Variants in KSR2 observed in about 807,000 individuals in gnomAD.
KSR2 encodes kinase suppressor of ras 2.
KSR2 carries 25 observed loss-of-function variants against 107.8 expected under a neutral mutation model. The observed-to-expected ratio is 0.23, with a 90% confidence interval of 0.17 to 0.32. KSR2 has a LOEUF of 0.32. Ranked by LOEUF, KSR2 falls within the 10% of genes least tolerant of loss-of-function variation. KSR2 has a pLI of 1.00. For synonymous variants in KSR2, 480 were observed against 507.0 expected, an observed-to-expected ratio of 0.95 and a Z score of 0.71; for missense variants, 887 against 1,268.9, an observed-to-expected ratio of 0.70 and a Z score of 4.57.
intron 1 of KSR2, chr12:117,889,607 T>A (rs1226087808): frequency 6.6e-6 from 1 of 152,208 alleles, no homozygotes; most frequent in Non-Finnish European, 1.5e-5. Flanking sequence ...AACATTTGTA[T>A]CTTGCTTTCT....
chr12:117,658,946 C>T (rs570323516), intron 5 of KSR2, among the ~76,000 whole-genome samples: 3 of 152,264 alleles, frequency 2.0e-5, no homozygotes, highest in Non-Finnish European at 2.9e-5. Flanking sequence ...TCTCTTGGTA[C>T]GTCAGTTTTC....
intron 18 of KSR2, 111 bp downstream of exon 18, chr12:117,471,080 G>T: frequency 2.3e-6 from 3 of 1,297,764 alleles, no homozygotes; most frequent in Admixed American, 2.7e-5. Context: ...ATATTTTTTT[G>T]GTCACCCTAT....
At chr12:117,918,474 A>C (rs745466743) in intron 1 of KSR2, among the ~76,000 whole-genome samples, 1 of 151,978 alleles carries the variant, frequency 6.6e-6, no homozygotes, top group Non-Finnish European at 1.5e-5. Context: ...TCTCCTAACT[A>C]TCTTTTAATA....
intron 4 of KSR2, among the ~76,000 whole-genome samples, chr12:117,739,930 T>A (rs548845882): frequency 5.6e-4 from 85 of 152,174 alleles, no homozygotes; most frequent in East Asian, 1.5e-3. Context: ...TATTTTTTTT[T>A]AAATTTCTTA....
At chr12:117,955,181 G>A (rs993061183) in intron 1 of KSR2, among the ~76,000 whole-genome samples, 3 of 151,858 alleles carry the variant, frequency 2.0e-5, no homozygotes, top group Non-Finnish European at 4.4e-5. Context: ...GAATGCAGTG[G>A]CACAATCATG....
At chr12:117,516,736 C>T (rs1036603035) in intron 14 of KSR2, among the ~76,000 whole-genome samples, 1 of 152,004 alleles carries the variant, frequency 6.6e-6, no homozygotes, top group African/African-American at 2.4e-5. Context: ...GACCCAAATG[C>T]CAAAGGGGAG....
intron 4 of KSR2, among the ~76,000 whole-genome samples, chr12:117,728,113 T>C (rs1046708061): frequency 6.6e-6 from 1 of 152,216 alleles, no homozygotes; most frequent in African/African-American, 2.4e-5. Context: ...AGAAATATTC[T>C]GTCTTGATTG....
intron 4 of KSR2, among the ~76,000 whole-genome samples, chr12:117,725,916 C>T (rs1396023608): frequency 6.6e-6 from 1 of 152,046 alleles, no homozygotes; most frequent in African/African-American, 2.4e-5. Flanking sequence ...CCTATAATCC[C>T]AGCACTTTGG....
At chr12:117,609,153 A>C (rs1881454705) in intron 5 of KSR2, among the ~76,000 whole-genome samples, 1 of 152,168 alleles carries the variant, frequency 6.6e-6, no homozygotes, top group Non-Finnish European at 1.5e-5. Context: ...CTGGCTCCAG[A>C]ATGGGCCACA....
At chr12:117,799,060 C>A (rs1298033645) in intron 3 of KSR2, among the ~76,000 whole-genome samples, 1 of 152,040 alleles carries the variant, frequency 6.6e-6, no homozygotes, top group Non-Finnish European at 1.5e-5. Context: ...TTGCCAGGGG[C>A]TGGGAAAAAG....
At chr12:117,762,653 T>A (rs1420548977) in intron 3 of KSR2, among the ~76,000 whole-genome samples, 1 of 152,088 alleles carries the variant, frequency 6.6e-6, no homozygotes, top group Non-Finnish European at 1.5e-5. Context: ...TTACTTGAGG[T>A]CACGAGTTTG....
intron 4 of KSR2, among the ~76,000 whole-genome samples, chr12:117,689,588 T>C (rs1052354723): frequency 6.6e-6 from 1 of 152,174 alleles, no homozygotes; most frequent in Non-Finnish European, 1.5e-5. Context: ...AGGCCAGATT[T>C]GGCCCCGGGG....
intron 4 of KSR2, among the ~76,000 whole-genome samples, chr12:117,694,351 T>C (rs1397417959): frequency 6.6e-6 from 1 of 152,202 alleles, no homozygotes; most frequent in Non-Finnish European, 1.5e-5. Flanking sequence ...GTAGTTCCCC[T>C]GCACAAGCTC....
At chr12:117,486,092 G>A (rs1028576417) in intron 14 of KSR2, among the ~76,000 whole-genome samples, 1 of 152,226 alleles carries the variant, frequency 6.6e-6, no homozygotes, top group Non-Finnish European at 1.5e-5. Context: ...CCAGGAGTCA[G>A]TGTGTGAGGA....
chr12:117,966,263 T>C (rs976447176), intron 1 of KSR2, among the ~76,000 whole-genome samples: 4 of 152,094 alleles, frequency 2.6e-5, no homozygotes, highest in African/African-American at 9.7e-5. Context: ...AAACTAGCAT[T>C]TGGGACTCCT....
chr12:117,697,049 C>G (rs1886092798), intron 4 of KSR2, among the ~76,000 whole-genome samples: 1 of 152,166 alleles, frequency 6.6e-6, no homozygotes, highest in Non-Finnish European at 1.5e-5. Flanking sequence ...TTCAATGCGC[C>G]TTTAACCATT....
chr12:117,623,048 T>C (rs1265596214), intron 5 of KSR2, among the ~76,000 whole-genome samples: 2 of 152,232 alleles, frequency 1.3e-5, no homozygotes, highest in East Asian at 3.9e-4. Context: ...CAGCTGCTGG[T>C]ATGAGGCTCA....
intron 14 of KSR2, among the ~76,000 whole-genome samples, chr12:117,495,859 T>C (rs1872993307): frequency 6.6e-6 from 1 of 152,046 alleles, no homozygotes; most frequent in Non-Finnish European, 1.5e-5. Context: ...ATCGAGACCA[T>C]CCTGGCCAAC....
At position 117,461,630 on chromosome 12, in the gene KSR2, A is replaced by C. The variant is rs1201043623; in HGVS notation, c.*5569T>G. On this transcript the variant is annotated 3_prime_UTR_variant, in exon 20 of 20. Transcript: ENST00000339824. ...TGGGATTTGGGTTAATATCATAGTC[A>C]GGCACTGACCAGAGAGGACAGAGGT... 5.6e-6 allele frequency: 1 copy of C among 180,076 alleles called. No individual in the cohort carries two copies. The highest frequency in any genetic ancestry group is 1.4e-4 in the East Asian group (1 of 7,084). 11.2% of individuals were successfully genotyped at this position (180,076 alleles called of 1,614,324 possible).
Sources: allele counts gnomAD v4.1 joint callset (sites outside exome capture counted in the v4.1 genomes callset), GRCh38; gene constraint gnomAD v4.1.1; transcripts MANE v1.5; gene names NCBI Gene and HGNC (gene_info 2026-07-23, HGNC 2026-07-21).